The following SCEL variants were observed in gnomAD, a reference collection of about 807,000 sequenced individuals.
SCEL encodes sciellin.
A neutral mutation model predicts 117.6 loss-of-function variants in SCEL; 113 were observed. That is an observed-to-expected ratio of 0.96 (90% CI 0.83 to 1.12). The LOEUF is 1.12. Ranked by LOEUF, SCEL falls within the 50% of genes most tolerant of loss-of-function variation. SCEL has a pLI of 0.00. For missense variants in SCEL, 785 were observed against 810.8 expected, an observed-to-expected ratio of 0.97 and a Z score of 0.39; for synonymous variants, 270 against 256.2, an observed-to-expected ratio of 1.05 and a Z score of -0.51.
rs749985186 is a variant in SCEL at position 77,593,483 on chromosome 13, T to C, written c.693-31T>C. On this transcript the variant is annotated intron_variant, in intron 11 of 32. Transcript: ENST00000349847. ...TCCTTCAAAAATAGCTCGACTATCA[T>C]TGACCTGTATTTATTTTTCATTGTT... 26 of 1,558,352 alleles carry C rather than the reference T, an allele frequency of 1.7e-5. No homozygotes were observed. The East Asian group carries it at 5.2e-4, about 31-fold the overall frequency.
At chr13:77,597,928 A>G (rs2087348760) in intron 13 of SCEL, among the ~76,000 whole-genome samples, 1 of 152,014 alleles carries the variant, frequency 6.6e-6, no homozygotes, top group African/African-American at 2.4e-5. Context: ...TAACCATTAC[A>G]AAAAACATTT....
rs149006026 is a variant in SCEL, at chr13:77,588,994, C to T, written c.546-150C>T. The T allele has an allele frequency of 6.8e-4, 409 of 602,696 alleles. 2 individuals are homozygous for T. The African/African-American group carries it at 6.9e-3, about 10-fold the overall frequency. The allele number at this position is 602,696 out of a possible 1,614,324, so 37.3% of individuals were successfully genotyped here. Reference sequence around the variant, plus strand: ...TTTGACTTCTTTAAAGTTTAGTGCTCCATGGATTCTGACCTTTCAGGTACC... The same window carrying T: ...TTTGACTTCTTTAAAGTTTAGTGCTTCATGGATTCTGACCTTTCAGGTACC... On this transcript the variant is annotated intron_variant, in intron 9 of 32. Transcript: ENST00000349847.
intron 29 of SCEL, among the ~76,000 whole-genome samples, chr13:77,634,651 G>C (rs1368010930): frequency 6.6e-6 from 1 of 151,998 alleles, no homozygotes; most frequent in East Asian, 1.9e-4. Flanking sequence ...ATAGTCATTA[G>C]ATGAACTCAG....
At chr13:77,563,433 A>C (rs1285903201) in intron 4 of SCEL, among the ~76,000 whole-genome samples, 2 of 152,224 alleles carry the variant, frequency 1.3e-5, no homozygotes, top group Admixed American at 6.5e-5. Context: ...AAACTCTGCA[A>C]ACAAAATATA....
chr13:77,556,277 G>T (rs1486837416), intron 2 of SCEL, among the ~76,000 whole-genome samples: 1 of 152,074 alleles, frequency 6.6e-6, no homozygotes, highest in African/African-American at 2.4e-5. Context: ...TTTCTTATGG[G>T]GTAAAAAGGC....
chr13:77,577,763 A>C (rs2086032163), intron 9 of SCEL, among the ~76,000 whole-genome samples: 2 of 152,174 alleles, frequency 1.3e-5, no homozygotes, highest in African/African-American at 4.8e-5. Context: ...GCAGAAGCCC[A>C]CACCAAACTA....
At chr13:77,613,055 A>G in intron 23 of SCEL, 114 bp downstream of exon 23, 1 of 640,608 alleles carries the variant, frequency 1.6e-6, no homozygotes, top group Non-Finnish European at 2.7e-6. Flanking sequence ...AAAAAATGAG[A>G]ACAAGTTGAT....
chr13:77,601,362 C>T (rs890385469), intron 15 of SCEL, among the ~76,000 whole-genome samples: 3 of 152,024 alleles, frequency 2.0e-5, no homozygotes, highest in African/African-American at 2.4e-5. Context: ...AGTCCTAGTT[C>T]TTTTTTCTTC....
At chr13:77,595,357 T>C (rs1278719700) in intron 12 of SCEL, among the ~76,000 whole-genome samples, 1 of 152,246 alleles carries the variant, frequency 6.6e-6, no homozygotes, top group East Asian at 1.9e-4. Context: ...AATGGAATGT[T>C]ACTGCTATCT....
intron 32 of SCEL, among the ~76,000 whole-genome samples, chr13:77,643,291 A>G (rs1567457141): frequency 6.6e-6 from 1 of 152,156 alleles, no homozygotes; most frequent in Non-Finnish European, 1.5e-5. Flanking sequence ...TCTAACATCA[A>G]TGTTACCATA....
chr13:77,556,991 T>G (rs1029477145), intron 3 of SCEL, among the ~76,000 whole-genome samples: 4 of 152,230 alleles, frequency 2.6e-5, no homozygotes, highest in African/African-American at 9.6e-5. Flanking sequence ...GCTTACTTGG[T>G]AAACTGAAAA....
chr13:77,597,547 A>G lies in SCEL; in HGVS notation c.755A>G (p.Glu252Gly). 6.7e-7 allele frequency: 1 copy of G among 1,493,152 alleles called. No homozygotes were observed. The highest frequency in any genetic ancestry group is 9.1e-7 in the Non-Finnish European group (1 of 1,096,194). 92.5% of individuals were successfully genotyped at this position (1,493,152 alleles called of 1,614,324 possible). ...AACATTTTTTTCTCTTCCCAAAGTGAAGAATTGGATAATCTCATCAAAATG... is the reference window on the plus strand; with the variant it reads ...AACATTTTTTTCTCTTCCCAAAGTGGAGAATTGGATAATCTCATCAAAATG... ...ATSLQRSDKG[E>G]ELDNLIKMNK... The change falls in exon 13 of 33, where the codon GAA (glutamate) becomes GGA (glycine). Residue 252 changes from glutamate to glycine, a missense_variant and splice_region_variant. Glu to Gly is a moderately conservative substitution (Grantham distance 98, BLOSUM62 -2). Transcript: ENST00000349847.
At chr13:77,556,860 A>G in intron 3 of SCEL, 147 bp downstream of exon 3, 1 of 636,514 alleles carries the variant, frequency 1.6e-6, no homozygotes. Flanking sequence ...CTTAGTAAGC[A>G]CAAATAGGTT....
chr13:77,599,552 G>T, intron 14 of SCEL, 137 bp from the exon 15 acceptor site: 1 of 876,192 alleles, frequency 1.1e-6, no homozygotes, highest in East Asian at 2.5e-5. Context: ...TAATTACCCA[G>T]AAGGATTTCT....
Position 77,601,839 on chromosome 13 carries a change from A to C in SCEL, c.918-226A>C, listed in dbSNP as rs527248836. 5.3e-5 allele frequency among the ~76,000 whole-genome samples: 8 copies of C among 152,312 alleles called. No homozygotes were observed. In the East Asian group the frequency reaches 7.7e-4, roughly 15 times the overall value. On this transcript the variant is annotated intron_variant, in intron 15 of 32. Transcript: ENST00000349847. Reference sequence around the variant, plus strand: ...AAGTTGACTCCATCATAACTGAGTAATGGTTGGTATCTTAGTCTCAGGCTG... The same window carrying C: ...AAGTTGACTCCATCATAACTGAGTACTGGTTGGTATCTTAGTCTCAGGCTG...
At chr13:77,555,694 A>G (rs1005570404) in intron 1 of SCEL, among the ~76,000 whole-genome samples, 163 bp from the exon 2 acceptor site, 2 of 152,218 alleles carry the variant, frequency 1.3e-5, no homozygotes, top group Non-Finnish European at 2.9e-5. Context: ...GTTGGAAGAG[A>G]TGAACTCTTG....
chr13:77,625,816 C>G (rs1190489064), intron 27 of SCEL, among the ~76,000 whole-genome samples: 1 of 152,080 alleles, frequency 6.6e-6, no homozygotes, highest in Non-Finnish European at 1.5e-5. Context: ...TGTATAATAA[C>G]CTTATTTGAA....
intron 22 of SCEL, 27 bp downstream of exon 22, chr13:77,610,133 T>TC (rs769516615): frequency 1.0e-5 from 16 of 1,524,708 alleles, no homozygotes; most frequent in South Asian, 2.4e-5. Flanking sequence ...TCTCTATTTC[T>TC]CCCCCCTTTT....
At chr13:77,614,700 A>G (rs756058424) in intron 24 of SCEL, among the ~76,000 whole-genome samples, 17 of 152,158 alleles carry the variant, frequency 1.1e-4, no homozygotes, top group Admixed American at 5.2e-4. Flanking sequence ...TTGAAAACCA[A>G]TGTTCCAGAT....
Sources: allele counts gnomAD v4.1 joint callset (sites outside exome capture counted in the v4.1 genomes callset), GRCh38; gene constraint gnomAD v4.1.1; transcripts MANE v1.5; gene names NCBI Gene and HGNC (gene_info 2026-07-23, HGNC 2026-07-21).